UBE2D3: variants seen among roughly 807,000 people sequenced by gnomAD.
UBE2D3 encodes the protein ubiquitin-conjugating enzyme E2 D3.
A neutral mutation model predicts 22.8 loss-of-function variants in UBE2D3; 2 were observed. The ratio of observed to expected loss-of-function variants is 0.09; its 90% CI spans 0.04 to 0.28. The LOEUF (loss-of-function observed/expected upper bound fraction) is 0.28. Among genes scored for constraint, UBE2D3 ranks in the 10% least tolerant of loss-of-function variants. The pLI, the probability that UBE2D3 is intolerant of heterozygous loss-of-function variation, is 1.00. For missense variants in UBE2D3, 27 were observed against 182.5 expected (o/e 0.15, Z 4.91); for synonymous variants, 56 against 60.4 (o/e 0.93, Z 0.34).
intron 1 of UBE2D3, among the ~76,000 whole-genome samples, chr4:102,845,109 G>A (rs531251730): frequency 1.3e-5 from 2 of 152,062 alleles, no homozygotes; most frequent in South Asian, 2.1e-4. Flanking sequence ...CTAGCTGGGA[G>A]TGATGGTGCA....
intron 2 of UBE2D3, chr4:102,825,593 T>G: frequency 3.3e-6 from 4 of 1,203,406 alleles, no homozygotes; most frequent in Non-Finnish European, 3.2e-6. Context: ...GAGGTGGAGG[T>G]TCCGCTCACT....
chr4:102,829,004 T>C (rs1267852868), upstream of UBE2D3, among the ~76,000 whole-genome samples: 1 of 152,228 alleles, frequency 6.6e-6, no homozygotes, highest in African/African-American at 2.4e-5. Context: ...TGAAAACTGT[T>C]GCAGAAAGTT....
chr4:102,868,599 T>C, intron 1 of UBE2D3: 2 of 1,343,928 alleles, frequency 1.5e-6, no homozygotes, highest in Non-Finnish European at 2.1e-6. Context: ...GGCACTGGGG[T>C]CTGGGTAGGG....
At chr4:102,825,688 G>T in intron 2 of UBE2D3, 1 of 808,024 alleles carries the variant, frequency 1.2e-6, no homozygotes, top group Non-Finnish European at 1.8e-6. Flanking sequence ...CGAAACAAGG[G>T]TGTTATTAAA....
At chr4:102,798,943 A>G (rs770521375) in intron 7 of UBE2D3, 1 of 1,612,038 alleles carries the variant, frequency 6.2e-7, no homozygotes, top group Non-Finnish European at 8.5e-7. Flanking sequence ...AACATAGCGT[A>G]TTTCTCTGTC....
rs934310788 is a variant in UBE2D3 at position 102,850,894 on chromosome 4, G to A, written c.-129+17821C>T. ...GGGAGCTAAGCTATGAAGATGCAAA[G>A]GCTTAAGAATGATACAGTGGACTTG... is the stretch of plus-strand genomic sequence containing the variant. On this transcript the variant is annotated intron_variant, in intron 1 of 7. Coordinates refer to the UBE2D3 transcript ENST00000338145. 2.6e-5 allele frequency among the ~76,000 whole-genome samples: 4 copies of A among 151,612 alleles called. No individual in the cohort carries two copies. The South Asian group carries it at 6.3e-4, about 24-fold the overall frequency.
chr4:102,826,945 G>C (rs928733272), intron 1 of UBE2D3: 15 of 1,006,222 alleles, frequency 1.5e-5, no homozygotes, highest in Non-Finnish European at 1.8e-5. Context: ...CCGGGGCCTA[G>C]TCGGCGCTAT....
chr4:102,835,083 T>C (rs1012198060), intron 1 of UBE2D3, among the ~76,000 whole-genome samples: 5 of 152,194 alleles, frequency 3.3e-5, no homozygotes, highest in Non-Finnish European at 5.9e-5. Context: ...GTCTAATGAA[T>C]ATAAAATATT....
rs1424058009 is a variant in UBE2D3, at chr4:102,814,027, A to G, written c.25-4172T>C. ...CCAAGATTCACAATTTTAAGACTGT[A>G]TATCACACACCCTTTATATGCTTGT... On this transcript the variant is annotated intron_variant, in intron 2 of 7. Coordinates refer to ENST00000453744, the MANE Select transcript of UBE2D3 (RefSeq NM_181891.3). Among the ~76,000 whole-genome samples, 4 of 152,214 alleles carry G rather than the reference A, an allele frequency of 2.6e-5. No homozygotes were observed. In the South Asian group the frequency reaches 6.2e-4, roughly 24 times the overall value.
intron 2 of UBE2D3, chr4:102,811,603 C>A (rs1728040184): frequency 3.3e-6 from 1 of 306,896 alleles, no homozygotes; most frequent in African/African-American, 2.3e-5. Flanking sequence ...ATCACTTGAA[C>A]CTGGGAGGGA....
intron 4 of UBE2D3, among the ~76,000 whole-genome samples, chr4:102,804,066 G>A (rs1205351825): frequency 1.3e-5 from 2 of 151,948 alleles, no homozygotes; most frequent in Admixed American, 6.6e-5. Context: ...ACTGTACCCA[G>A]CCAGAGCTTA....
At chr4:102,825,808 C>T in intron 2 of UBE2D3, 3 of 455,986 alleles carry the variant, frequency 6.6e-6, no homozygotes, top group Admixed American at 4.7e-5. Context: ...ATGCCTTTTA[C>T]ATCAGTTCCC....
intron 1 of UBE2D3, among the ~76,000 whole-genome samples, chr4:102,848,288 A>G (rs1020291967): frequency 2.6e-5 from 4 of 151,950 alleles, no homozygotes; most frequent in African/African-American, 9.7e-5. Context: ...AGGCAGGAGG[A>G]TCATTGGAGC....
intron 7 of UBE2D3, among the ~76,000 whole-genome samples, chr4:102,798,674 A>C (rs1171297903): frequency 6.6e-6 from 1 of 151,838 alleles, no homozygotes; most frequent in Admixed American, 6.6e-5. Flanking sequence ...TTTGAAAAAA[A>C]AAAAAGATAC....
chr4:102,819,810 C>T (rs1729314978), intron 2 of UBE2D3, among the ~76,000 whole-genome samples: 1 of 152,170 alleles, frequency 6.6e-6, no homozygotes, highest in Admixed American at 6.5e-5. Flanking sequence ...AGATACATTT[C>T]CTCTCAGCAC....
chr4:102,806,298 T>C (rs1468715323), intron 4 of UBE2D3, among the ~76,000 whole-genome samples: 1 of 152,166 alleles, frequency 6.6e-6, no homozygotes, highest in Non-Finnish European at 1.5e-5. Flanking sequence ...TTCCTTATAA[T>C]ATAGCCCTTC....
chr4:102,836,103 T>C (rs2110350107), intron 1 of UBE2D3, among the ~76,000 whole-genome samples: 1 of 152,172 alleles, frequency 6.6e-6, no homozygotes, highest in African/African-American at 2.4e-5. Context: ...TGCCACAATT[T>C]ATCCATTCAC....
chr4:102,846,959 TGAG>T (rs1305385309), intron 1 of UBE2D3, among the ~76,000 whole-genome samples: 1 of 151,968 alleles, frequency 6.6e-6, no homozygotes, highest in Non-Finnish European at 1.5e-5. Context: ...CGGTAAATTC[TGAG>T]GAGAGCATGT....
At chr4:102,809,165 C>T in intron 4 of UBE2D3, 1 of 330,748 alleles carries the variant, frequency 3.0e-6, no homozygotes, top group Non-Finnish European at 6.6e-6. Context: ...CTTATCTACC[C>T]AGGATAGAAA....
Sources: allele counts gnomAD v4.1 joint callset (sites outside exome capture counted in the v4.1 genomes callset), GRCh38; gene constraint gnomAD v4.1.1; transcripts MANE v1.5; gene names NCBI Gene and HGNC (gene_info 2026-07-23, HGNC 2026-07-21).